Variants in PTPRE observed in about 807,000 individuals in gnomAD.
PTPRE encodes receptor-type tyrosine-protein phosphatase epsilon.
PTPRE carries 51 observed loss-of-function variants against 102.0 expected under a neutral mutation model. That is an observed-to-expected ratio of 0.50 (90% CI 0.40 to 0.63). PTPRE has a LOEUF of 0.63. PTPRE is among the 30% of genes least tolerant of loss of function. The pLI, the probability that PTPRE is intolerant of heterozygous loss-of-function variation, is 0.00. For synonymous variants in PTPRE, 345 were observed against 348.2 expected, an observed-to-expected ratio of 0.99 and a Z score of 0.10; for missense variants, 752 against 915.1, an observed-to-expected ratio of 0.82 and a Z score of 2.30.
chr10:128,027,720 C>A (rs1477672890), intron 2 of PTPRE, among the ~76,000 whole-genome samples: 1 of 152,158 alleles, frequency 6.6e-6, no homozygotes, highest in Non-Finnish European at 1.5e-5. Flanking sequence ...AATGGATGGG[C>A]CTTGAAGAGC....
At chr10:127,949,502 C>G (rs1355048207) in intron 1 of PTPRE, among the ~76,000 whole-genome samples, 1 of 152,074 alleles carries the variant, frequency 6.6e-6, no homozygotes, top group Non-Finnish European at 1.5e-5. Flanking sequence ...TGTAAATATG[C>G]AAAATAAATA....
chr10:127,914,915 G>A (rs934703729), intron 1 of PTPRE, among the ~76,000 whole-genome samples: 6 of 152,182 alleles, frequency 3.9e-5, no homozygotes, highest in African/African-American at 1.2e-4. Context: ...ATGTCAGGGC[G>A]TGGAGCTAAT....
At chr10:128,082,636 A>G (rs916498525) in intron 20 of PTPRE, among the ~76,000 whole-genome samples, 196 bp from the exon 21 acceptor site, 1 of 152,184 alleles carries the variant, frequency 6.6e-6, no homozygotes, top group Non-Finnish European at 1.5e-5. Flanking sequence ...ACACTAACTG[A>G]CACATTCTAC....
intron 1 of PTPRE, among the ~76,000 whole-genome samples, chr10:127,964,154 A>G (rs1850056861): frequency 6.6e-6 from 1 of 151,860 alleles, no homozygotes; most frequent in Non-Finnish European, 1.5e-5. Context: ...CTTTGCTTTC[A>G]TTTTATTTAT....
At chr10:127,955,891 G>A (rs1006243057) in intron 1 of PTPRE, among the ~76,000 whole-genome samples, 2 of 152,130 alleles carry the variant, frequency 1.3e-5, no homozygotes, top group Admixed American at 1.3e-4. Flanking sequence ...GAAGGGGAAA[G>A]TGTCACCTTT....
rs553283235 is a variant in PTPRE, at chr10:128,049,424, C to A, written c.284-106C>A. 15 of 1,410,500 alleles carry A rather than the reference C, an allele frequency of 1.1e-5. No individual in the cohort carries two copies. The African/African-American group carries it at 2.1e-4, about 20-fold the overall frequency. The allele number at this position is 1,410,500 out of a possible 1,614,324, so 87.4% of individuals were successfully genotyped here. On this transcript the variant is annotated intron_variant, in intron 5 of 20. Transcript: ENST00000254667. ...ATGCGATTTGAGAGAACTGTTCCAG[C>A]TCCAGCCTGGTCATTTCTTCAGGAA...
At chr10:127,933,581 C>T (rs1847601329) in intron 1 of PTPRE, among the ~76,000 whole-genome samples, 1 of 152,180 alleles carries the variant, frequency 6.6e-6, no homozygotes, top group African/African-American at 2.4e-5. Flanking sequence ...AGATGTATAG[C>T]ATATTTTAAG....
intron 2 of PTPRE, among the ~76,000 whole-genome samples, chr10:128,000,901 C>T (rs181096834): frequency 6.6e-6 from 1 of 152,286 alleles, no homozygotes; most frequent in East Asian, 1.9e-4. Flanking sequence ...CAGTAGGTGA[C>T]CGTGCCCTTG....
At chr10:128,047,684 G>GT in intron 4 of PTPRE, 80 bp from the exon 5 acceptor site, 2 of 1,614,160 alleles carry the variant, frequency 1.2e-6, no homozygotes, top group Non-Finnish European at 8.5e-7. Context: ...GGCTCACCTG[G>GT]TGGGTATCAC....
intron 1 of PTPRE, among the ~76,000 whole-genome samples, chr10:127,963,914 C>G (rs774013663): frequency 1.3e-5 from 2 of 152,176 alleles, no homozygotes; most frequent in Non-Finnish European, 2.9e-5. Context: ...CCTTGACCCT[C>G]TGTGCCTGAG....
rs141741785 is a variant in PTPRE, at chr10:127,963,702, G to A, written c.-30-18572G>A. ...TGTGTGTGTGTGCATGCATGCGTGC[G>A]TGCACACACACGTGCACACACGTGT... On this transcript the variant is annotated intron_variant, in intron 1 of 20. Transcript: ENST00000254667. Among the ~76,000 whole-genome samples the A allele has an allele frequency of 3.2e-4, 48 of 152,148 alleles. 1 individual carries two copies. The Middle Eastern group carries it at 0.017, about 54-fold the overall frequency.
intron 1 of PTPRE, among the ~76,000 whole-genome samples, chr10:127,949,075 A>G (rs1181521454): frequency 6.6e-6 from 1 of 152,168 alleles, no homozygotes; most frequent in Non-Finnish European, 1.5e-5. Context: ...CCCACCCTCA[A>G]TCCATCCCCT....
intron 3 of PTPRE, 73 bp from the exon 4 acceptor site, chr10:128,047,317 G>A (rs1848175474): frequency 1.9e-6 from 3 of 1,548,574 alleles, no homozygotes; most frequent in Admixed American, 1.9e-5. Flanking sequence ...AGGAAGAAGG[G>A]CTTATGGAGG....
intron 1 of PTPRE, among the ~76,000 whole-genome samples, chr10:127,926,998 G>T (rs1847069413): frequency 1.3e-5 from 2 of 151,726 alleles, no homozygotes. Context: ...TTTTAGTAGA[G>T]ATGGGGTTTC....
chr10:128,041,142 G>T (rs1008687757), intron 3 of PTPRE, 152 bp downstream of exon 3: 5 of 711,426 alleles, frequency 7.0e-6, no homozygotes, highest in Middle Eastern at 2.4e-4. Flanking sequence ...CTAAAAACAG[G>T]CAGGCTAAAT....
chr10:127,925,859 G>C (rs1013854114), intron 1 of PTPRE, among the ~76,000 whole-genome samples: 5 of 152,046 alleles, frequency 3.3e-5, no homozygotes, highest in African/African-American at 1.2e-4. Flanking sequence ...ATAGGTAAAG[G>C]GCACCTCACC....
At chr10:127,937,541 T>A (rs529371977) in intron 1 of PTPRE, among the ~76,000 whole-genome samples, 1 of 152,258 alleles carries the variant, frequency 6.6e-6, no homozygotes, top group African/African-American at 2.4e-5. Context: ...AAAGGGGGAA[T>A]TTTTTTGCTT....
intron 2 of PTPRE, among the ~76,000 whole-genome samples, chr10:127,991,599 T>C (rs929960418): frequency 3.3e-5 from 5 of 152,334 alleles, no homozygotes; most frequent in African/African-American, 1.2e-4. Flanking sequence ...TATAAAAATA[T>C]TTTCCAAAGT....
intron 19 of PTPRE, 147 bp from the exon 20 acceptor site, chr10:128,079,413 A>G (rs1851510726): frequency 9.2e-7 from 1 of 1,088,012 alleles, no homozygotes; most frequent in South Asian, 1.7e-5. Context: ...ACTACATACA[A>G]ATGATCAAAA....
Sources: gnomAD v4.1 joint callset for allele counts (sites outside exome capture counted in the v4.1 genomes callset) on GRCh38, gnomAD v4.1.1 for gene constraint, MANE v1.5 for transcripts, NCBI Gene and HGNC (gene_info 2026-07-23, HGNC 2026-07-21) for gene names.